Variants in FAAH observed in about 807,000 individuals in gnomAD.
The protein encoded by FAAH is fatty-acid amide hydrolase 1.
In FAAH, 63 loss-of-function variants were observed where a neutral mutation model predicts 69.7. The observed-to-expected ratio is 0.90, with a 90% CI of 0.74 to 1.12. The LOEUF (loss-of-function observed/expected upper bound fraction) is 1.12, where lower values mean the gene tolerates loss of function less well. Among genes scored for constraint, FAAH ranks in the 50% most tolerant of loss-of-function variants. The pLI is 0.00. For synonymous variants in FAAH, 305 were observed against 324.2 expected (o/e 0.94, Z 0.64); for missense variants, 680 against 755.0 (o/e 0.90, Z 1.16).
At chr1:46,396,868 T>C (rs1664606178) in intron 1 of FAAH, among the ~76,000 whole-genome samples, 1 of 152,244 alleles carries the variant, frequency 6.6e-6, no homozygotes, top group African/African-American at 2.4e-5. Flanking sequence ...TGGCTGGCTG[T>C]AATGTATGAA....
Position 46,413,472 on chromosome 1 carries a change from C to G in FAAH, c.1637C>G (p.Pro546Arg). The G allele has an allele frequency of 1.2e-6, 2 of 1,614,036 alleles. No homozygotes were observed. Among genetic ancestry groups the G allele is most frequent in the Non-Finnish European group, 1.7e-6 (2 of 1,180,000 alleles). ...QKGMKKSVGL[P>R]VAVQCVALPW... ...GGCATGAAGAAGAGTGTGGGGCTGC[C>G]GGTGGCCGTGCAGTGTGTGGCTCTG... The change falls in exon 15 of 15, where the codon CCG (proline) becomes CGG (arginine). Residue 546 changes from proline to arginine, a missense_variant. Coordinates refer to ENST00000243167, the MANE Select transcript of FAAH (RefSeq NM_001441.3).
rs1455974418 is a variant in FAAH, at chr1:46,404,673, T to C, written c.310-341T>C. Among the ~76,000 whole-genome samples, 1 of 152,168 alleles carries C rather than the reference T, an allele frequency of 6.6e-6. No homozygotes were observed. The highest frequency in any genetic ancestry group is 1.5e-5 in the Non-Finnish European group (1 of 68,016). ...CTGCCTCACTGGCAGAGATGTGGCT[T>C]GGGGGAGGTGAGGGAGTGGCCAGTG... On this transcript the variant is annotated intron_variant, in intron 2 of 14. Coordinates refer to ENST00000243167, the MANE Select transcript of FAAH (RefSeq NM_001441.3). The surrounding 1 kb of genome is among the most constrained non-coding windows in gnomAD (Gnocchi z 4.5).
chr1:46,398,309 C>T (rs1293522991), intron 1 of FAAH, among the ~76,000 whole-genome samples: 3 of 152,134 alleles, frequency 2.0e-5, no homozygotes, highest in Non-Finnish European at 4.4e-5. Context: ...TCCCTTCTGC[C>T]TACAACTCCT....
chr1:46,411,877 C>T lies in FAAH; in HGVS notation c.1356+226C>T, dbSNP rs76158601. 3.1e-3 allele frequency among the ~76,000 whole-genome samples: 465 copies of T among 152,348 alleles called. 6 individuals are homozygous for T. In the Middle Eastern group the frequency reaches 0.037, roughly 12 times the overall value. On this transcript the variant is annotated intron_variant, in intron 12 of 14. Coordinates refer to ENST00000243167, the MANE Select transcript of FAAH (RefSeq NM_001441.3). The surrounding 1 kb of genome is among the most constrained non-coding windows in gnomAD (Gnocchi z 4.8). ...GTCAGCCCCAGGCTCCTGTCCTGGC[C>T]GCCTTTTTGCCCCTCTGGAGCTGCC...
At position 46,405,848 on chromosome 1, in the gene FAAH, C is replaced by T. The variant is rs1030684078; in HGVS notation, c.785+54C>T. 51 of 1,608,304 alleles carry T rather than the reference C, an allele frequency of 3.2e-5. No homozygotes were observed. The highest frequency in any genetic ancestry group is 4.3e-5 in the Non-Finnish European group (51 of 1,177,668). On this transcript the variant is annotated intron_variant, in intron 5 of 14. Coordinates refer to ENST00000243167, the MANE Select transcript of FAAH (RefSeq NM_001441.3). This position sits in a 1 kb window ranked among gnomAD's most constrained non-coding sequence, Gnocchi z 4.1. ...CCCTCGCTGTGTGACCTTGGCCTAG[C>T]TTCCAACCTCTCTGGGCTCCAGGCG... is the stretch of plus-strand genomic sequence containing the variant.
At position 46,408,614 on chromosome 1, in the gene FAAH, C is replaced by T. The variant is rs776446676; in HGVS notation, c.1077+30C>T. On this transcript the variant is annotated intron_variant, in intron 8 of 14. Coordinates refer to ENST00000243167, the MANE Select transcript of FAAH (RefSeq NM_001441.3). ...GACTGCAGGGTCCTGGAAGTACTGGCATCTCCTCCCCTCACGGGAAGCCTT... is the reference window on the plus strand; with the variant it reads ...GACTGCAGGGTCCTGGAAGTACTGGTATCTCCTCCCCTCACGGGAAGCCTT... 6 of 1,613,984 alleles carry T rather than the reference C, an allele frequency of 3.7e-6. No individual in the cohort carries two copies. In the South Asian group the frequency reaches 6.6e-5, roughly 18 times the overall value.
intron 1 of FAAH, 85 bp downstream of exon 1, chr1:46,394,628 G>A: frequency 8.7e-7 from 1 of 1,145,178 alleles, no homozygotes; most frequent in Non-Finnish European, 1.1e-6. Context: ...CGAGGGACAG[G>A]GGATGGGGCG....
At chr1:46,401,987 A>G in intron 1 of FAAH, 104 bp from the exon 2 acceptor site, 1 of 957,134 alleles carries the variant, frequency 1.0e-6, no homozygotes, top group Non-Finnish European at 1.6e-6. Flanking sequence ...GGGCCTGCCC[A>G]GGCTGGGCCA....
In FAAH at chr1:46,411,715, C is replaced by T; in HGVS notation, c.1356+64C>T. The stretch of plus-strand genomic sequence containing the variant: ...GGGAGGGTGGAGTTGGACAGGGTAC[C>T]CGCTAGCAGTGTCTCGTGGCCACTG... On this transcript the variant is annotated intron_variant, in intron 12 of 14. Transcript: ENST00000243167. This position sits in a 1 kb window ranked among gnomAD's most constrained non-coding sequence, Gnocchi z 4.8. The T allele has an allele frequency of 6.3e-7, 1 of 1,584,508 alleles. No homozygotes were observed.
chr1:46,397,713 C>T (rs964360417), intron 1 of FAAH, among the ~76,000 whole-genome samples: 3 of 151,864 alleles, frequency 2.0e-5, no homozygotes, highest in African/African-American at 7.3e-5. Flanking sequence ...AGGCGCCTGC[C>T]ACCATGCCTG....
chr1:46,400,163 G>A (rs1569808422), intron 1 of FAAH, among the ~76,000 whole-genome samples: 1 of 149,662 alleles, frequency 6.7e-6, no homozygotes, highest in Non-Finnish European at 1.5e-5. Flanking sequence ...CTCGGAGAGG[G>A]CAGGCGCCAG....
At chr1:46,408,327 C>A in intron 7 of FAAH, 132 bp from the exon 8 acceptor site, 1 of 1,183,588 alleles carries the variant, frequency 8.4e-7, no homozygotes, top group Non-Finnish European at 1.3e-6. Flanking sequence ...GGGTCAGATG[C>A]AGAAGGGGCT....
chr1:46,413,033 A>G, intron 13 of FAAH, 42 bp from the exon 14 acceptor site: 3 of 1,612,680 alleles, frequency 1.9e-6, no homozygotes, highest in Non-Finnish European at 2.5e-6. Flanking sequence ...TTGGCACTGA[A>G]GATTCTCAGG....
In FAAH at chr1:46,395,792, T is replaced by C. The variant is rs535619921; in HGVS notation, c.195+1249T>C. ...CCCGCTGCACTCTGCAGCCACACTT[T>C]CGTGGAGAGGAACAGGAGAGAGATA... On this transcript the variant is annotated intron_variant, in intron 1 of 14. Coordinates refer to ENST00000243167, the MANE Select transcript of FAAH (RefSeq NM_001441.3). Among the ~76,000 whole-genome samples, 20 of 152,336 alleles carry C rather than the reference T, an allele frequency of 1.3e-4. No homozygotes were observed. The East Asian group carries it at 1.9e-3, about 15-fold the overall frequency.
In FAAH at chr1:46,402,091, A is replaced by G. The variant is rs542293220; in HGVS notation, c.196A>G (p.Asn66Asp). The G allele has an allele frequency of 2.9e-5, 47 of 1,604,544 alleles. No homozygotes were observed. The South Asian group carries it at 5.3e-4, about 18-fold the overall frequency. The change falls in exon 2 of 15, where the codon AAC (asparagine) becomes GAC (aspartate). Residue 66 changes from asparagine to aspartate, a missense_variant and splice_region_variant. Physicochemically the swap from Asn to Asp is conservative, Grantham distance 23. Transcript: ENST00000243167. ...ACTGATCCGAGTTTGTTCCCCACAG[A>G]ACCCAGACCTGGACTCAGAGGCGCT... ...DRAAQRFRLQ[N>D]PDLDSEALLA...
intron 7 of FAAH, 28 bp downstream of exon 7, chr1:46,406,396 T>C (rs1258971642): frequency 6.2e-7 from 1 of 1,613,336 alleles, no homozygotes; most frequent in Non-Finnish European, 8.5e-7. Context: ...GGCATGAATG[T>C]GGACCGCTGA....
At chr1:46,406,507 C>A in intron 7 of FAAH, 139 bp downstream of exon 7, 1 of 1,085,828 alleles carries the variant, frequency 9.2e-7, no homozygotes, top group Non-Finnish European at 1.4e-6. Context: ...TGCTCCTCCA[C>A]AGACGGCCAC....
chr1:46,408,497 T>G lies in FAAH; in HGVS notation c.990T>G (p.Tyr330Ter). 1 of 1,614,156 alleles carries G rather than the reference T, an allele frequency of 6.2e-7. No individual in the cohort carries two copies. Among genetic ancestry groups the G allele is most frequent in the Non-Finnish European group, 8.5e-7 (1 of 1,180,014 alleles). Residue 330 changes from tyrosine (Y) to a stop codon, truncating the protein, a stop_gained, in exon 8 of 15, where the codon TAT (tyrosine) becomes TAG (stop). Transcript: ENST00000243167. LOFTEE classifies it high-confidence loss of function. ...TSSQPLRVGY[Y>*]ETDNYTMPSP... Reference sequence around the variant, plus strand: ...CTCAGCCCCTGCGTGTGGGGTACTATGAGACTGACAACTATACCATGCCCT... The same window carrying G: ...CTCAGCCCCTGCGTGTGGGGTACTAGGAGACTGACAACTATACCATGCCCT...
In FAAH at chr1:46,413,496, T is replaced by C; in HGVS notation, c.1661T>C (p.Leu554Pro). The change falls in exon 15 of 15, where the codon CTG becomes CCG. Residue 554 changes from leucine (L) to proline (P), a missense_variant. Physicochemically the swap from Leu to Pro is moderately conservative, Grantham distance 98. Transcript: ENST00000243167. ...CCGGTGGCCGTGCAGTGTGTGGCTCTGCCCTGGCAAGAAGAGTTGTGTCTG... is the reference window on the plus strand; with the variant it reads ...CCGGTGGCCGTGCAGTGTGTGGCTCCGCCCTGGCAAGAAGAGTTGTGTCTG... ...GLPVAVQCVA[L>P]PWQEELCLRF... 3 of 1,614,122 alleles carry C rather than the reference T, an allele frequency of 1.9e-6. No homozygotes were observed. The highest frequency in any genetic ancestry group is 2.5e-6 in the Non-Finnish European group (3 of 1,179,998).
Sources: allele counts gnomAD v4.1 joint callset (sites outside exome capture counted in the v4.1 genomes callset), GRCh38; gene constraint gnomAD v4.1.1; non-coding constraint Gnocchi (gnomAD v3.1); transcripts MANE v1.5; gene names NCBI Gene and HGNC (gene_info 2026-07-23, HGNC 2026-07-21).